The following CNTNAP5 variants were observed in gnomAD, a reference collection of about 807,000 sequenced individuals.
The protein encoded by CNTNAP5 is contactin associated protein family member 5, also known as contactin-associated protein-like 5.
CNTNAP5 carries 72 observed loss-of-function variants against 150.2 expected under a neutral mutation model. The observed-to-expected ratio is 0.48, with a 90% CI of 0.40 to 0.58. The LOEUF is 0.58. Ranked by LOEUF, CNTNAP5 falls within the 20% of genes least tolerant of loss-of-function variation. CNTNAP5 has a pLI of 0.00. For synonymous variants in CNTNAP5, 672 were observed against 619.8 expected, an observed-to-expected ratio of 1.08 and a Z score of -1.25; for missense variants, 1,636 against 1,626.2, an observed-to-expected ratio of 1.01 and a Z score of -0.10.
At chr2:124,146,800 G>T (rs1454008578) in intron 1 of CNTNAP5, among the ~76,000 whole-genome samples, 3 of 152,084 alleles carry the variant, frequency 2.0e-5, no homozygotes, top group African/African-American at 4.8e-5. Flanking sequence ...GTAACAGAAA[G>T]GAAGACATTT....
chr2:124,672,624 A>T (rs1231879891), intron 13 of CNTNAP5, among the ~76,000 whole-genome samples: 2 of 152,176 alleles, frequency 1.3e-5, no homozygotes, highest in Non-Finnish European at 2.9e-5. Context: ...TTAATGAGAG[A>T]TGTTAACTTC....
At chr2:124,151,674 G>C (rs1488552200) in intron 1 of CNTNAP5, among the ~76,000 whole-genome samples, 1 of 152,200 alleles carries the variant, frequency 6.6e-6, no homozygotes, top group African/African-American at 2.4e-5. Context: ...TACCACGTCT[G>C]ACAGATAACG....
chr2:124,230,535 TA>T (rs200382402), intron 2 of CNTNAP5, among the ~76,000 whole-genome samples: 2,198 of 150,556 alleles, frequency 0.015, 64 homozygotes, highest in African/African-American at 0.051. Flanking sequence ...TATAAATTAT[TA>T]TTTTTTTTTT....
intron 19 of CNTNAP5, among the ~76,000 whole-genome samples, chr2:124,854,992 A>G (rs1338643007): frequency 5.9e-5 from 9 of 152,118 alleles, no homozygotes; most frequent in Admixed American, 3.3e-4. Context: ...TAAAACAAAA[A>G]CATAACAATG....
In CNTNAP5 at chr2:124,569,416, A is replaced by T. The variant is rs139430586; in HGVS notation, c.1756+6093A>T. On this transcript the variant is annotated intron_variant, in intron 11 of 23. Transcript: ENST00000682447. The stretch of plus-strand genomic sequence containing the variant: ...GTATTATAGGAATAAGATTGCTTCC[A>T]CAATCTTTTTTCAGATGACTTGTAT... Among the ~76,000 whole-genome samples, 927 of 150,100 alleles carry T rather than the reference A, an allele frequency of 6.2e-3. 1 individual carries two copies. The highest frequency in any genetic ancestry group is 0.028 in the Middle Eastern group (8 of 290).
chr2:124,317,161 C>A (rs535413052), intron 3 of CNTNAP5, among the ~76,000 whole-genome samples: 2 of 152,202 alleles, frequency 1.3e-5, no homozygotes, highest in African/African-American at 4.8e-5. Flanking sequence ...ACCATAAAAA[C>A]CTCACATGAC....
In CNTNAP5 at chr2:124,524,454, T is replaced by C. The variant is rs1308727638; in HGVS notation, c.1477+2T>C. The C allele has an allele frequency of 1.9e-6, 3 of 1,608,020 alleles. No homozygotes were observed. Among genetic ancestry groups the C allele is most frequent in the Admixed American group, 1.7e-5 (1 of 59,172 alleles). ...CTGGAAATAGCTACTATTTTGGAGG[T>C]AAATTCTCCAGTCTTTAAGAGGGAA... is the stretch of plus-strand genomic sequence containing the variant. On this transcript the variant is annotated splice_donor_variant, in intron 9 of 23. Transcript: ENST00000682447. LOFTEE classifies it high-confidence loss of function.
At chr2:124,202,684 A>G (rs564208974) in intron 1 of CNTNAP5, among the ~76,000 whole-genome samples, 1 of 152,336 alleles carries the variant, frequency 6.6e-6, no homozygotes, top group South Asian at 2.1e-4. Flanking sequence ...AAGAGGAGTA[A>G]AGACATGTCT....
intron 22 of CNTNAP5, among the ~76,000 whole-genome samples, chr2:124,907,268 G>A (rs1352380479): frequency 1.3e-5 from 2 of 152,002 alleles, no homozygotes; most frequent in African/African-American, 4.8e-5. Context: ...CTGGTACAGT[G>A]TAGCATATTT....
intron 13 of CNTNAP5, among the ~76,000 whole-genome samples, chr2:124,727,201 C>G (rs1680174552): frequency 6.6e-6 from 1 of 151,894 alleles, no homozygotes; most frequent in Non-Finnish European, 1.5e-5. Context: ...TATATGTCTG[C>G]TTTTATGATA....
At chr2:124,502,129 T>G (rs548688457) in intron 7 of CNTNAP5, among the ~76,000 whole-genome samples, 2 of 152,284 alleles carry the variant, frequency 1.3e-5, no homozygotes, top group East Asian at 3.9e-4. Flanking sequence ...ACTCACAACC[T>G]TATCTTAATA....
intron 22 of CNTNAP5, among the ~76,000 whole-genome samples, chr2:124,906,741 A>G (rs2104764102): frequency 1.3e-5 from 2 of 152,282 alleles, no homozygotes; most frequent in Middle Eastern, 6.8e-3. Context: ...TAACCTGAGT[A>G]GGATATTTAA....
chr2:124,745,829 C>T (rs1680592441), intron 13 of CNTNAP5, among the ~76,000 whole-genome samples: 1 of 152,114 alleles, frequency 6.6e-6, no homozygotes, highest in Admixed American at 6.6e-5. Context: ...TTCAAAGTAC[C>T]TTCTGTATGT....
At chr2:124,056,737 A>G (rs995585654) in intron 1 of CNTNAP5, among the ~76,000 whole-genome samples, 2 of 152,202 alleles carry the variant, frequency 1.3e-5, no homozygotes, top group African/African-American at 2.4e-5. Flanking sequence ...GATAACATAC[A>G]TGGAGCAGAA....
At chr2:124,733,119 ATGT>A (rs1447687456) in intron 13 of CNTNAP5, among the ~76,000 whole-genome samples, 1 of 151,914 alleles carries the variant, frequency 6.6e-6, no homozygotes, top group East Asian at 1.9e-4. Context: ...TTTGGGGGAA[ATGT>A]TAATACCTCC....
chr2:124,849,910 A>C (rs1366562720), intron 19 of CNTNAP5, among the ~76,000 whole-genome samples: 1 of 152,212 alleles, frequency 6.6e-6, no homozygotes, highest in East Asian at 1.9e-4. Context: ...ATGGGGGCTA[A>C]GGAAGGATGT....
intron 13 of CNTNAP5, among the ~76,000 whole-genome samples, chr2:124,696,329 T>C (rs1052913557): frequency 1.3e-5 from 2 of 152,196 alleles, no homozygotes; most frequent in Non-Finnish European, 2.9e-5. Flanking sequence ...CTTCTGCACT[T>C]TTATCCCAGA....
At chr2:124,692,977 T>C (rs1679330150) in intron 13 of CNTNAP5, among the ~76,000 whole-genome samples, 1 of 152,138 alleles carries the variant, frequency 6.6e-6, no homozygotes, top group South Asian at 2.1e-4. Flanking sequence ...AATCAAAGAA[T>C]TCTTTGTGTT....
intron 1 of CNTNAP5, among the ~76,000 whole-genome samples, chr2:124,045,375 G>A (rs1409667550): frequency 6.9e-6 from 1 of 145,068 alleles, no homozygotes; most frequent in African/African-American, 2.6e-5. Context: ...CTCGTTCACT[G>A]TAAACTCCAC....
Sources: allele counts gnomAD v4.1 joint callset (sites outside exome capture counted in the v4.1 genomes callset), GRCh38; gene constraint gnomAD v4.1.1; transcripts MANE v1.5; gene names NCBI Gene and HGNC (gene_info 2026-07-23, HGNC 2026-07-21).